Variants in SPATS1 observed in about 807,000 individuals in gnomAD.
SPATS1 encodes spermatogenesis-associated serine-rich protein 1.
Under a neutral mutation model 33.6 loss-of-function variants are expected in SPATS1, and 23 were observed. The ratio of observed to expected loss-of-function variants is 0.68; its 90% CI spans 0.49 to 0.97. SPATS1 has a LOEUF of 0.97. Among genes scored for constraint, SPATS1 ranks in the 50% least tolerant of loss-of-function variants. The pLI, the probability that SPATS1 is intolerant of heterozygous loss-of-function variation, is 0.00. For synonymous variants in SPATS1, 131 were observed against 125.6 expected (o/e 1.04, Z -0.29); for missense variants, 327 against 361.0 (o/e 0.91, Z 0.76).
At chr6:44,344,447 TG>T (rs1405396174) in intron 2 of SPATS1, among the ~76,000 whole-genome samples, 4 of 150,644 alleles carry the variant, frequency 2.7e-5, no homozygotes, top group African/African-American at 4.9e-5. Flanking sequence ...GAGAACCGAT[TG>T]CTTTCATTAC....
chr6:44,353,950 T>G (rs1334413816), intron 3 of SPATS1, among the ~76,000 whole-genome samples: 2 of 145,476 alleles, frequency 1.4e-5, no homozygotes, highest in East Asian at 4.1e-4. Context: ...GGCAGGAGAA[T>G]GGCGTGAACC....
chr6:44,343,285 T>G, intron 2 of SPATS1, 51 bp downstream of exon 2: 3 of 1,500,298 alleles, frequency 2.0e-6, no homozygotes, highest in Non-Finnish European at 2.7e-6. Flanking sequence ...CATCCAAGTA[T>G]ACTACACCCG....
chr6:44,375,261 G>A (rs1278614119), intron 7 of SPATS1, among the ~76,000 whole-genome samples: 1 of 152,200 alleles, frequency 6.6e-6, no homozygotes, highest in Admixed American at 6.5e-5. Context: ...ACATGGGAGG[G>A]TGAAGCACCC....
At chr6:44,362,999 C>T (rs981080148) in intron 5 of SPATS1, among the ~76,000 whole-genome samples, 6 of 152,066 alleles carry the variant, frequency 3.9e-5, no homozygotes, top group African/African-American at 1.2e-4. Context: ...CCACCACACC[C>T]GGTTAATTTT....
rs778265268 is a variant in SPATS1 at position 44,364,022 on chromosome 6, CA to C, written c.574+2034del. The stretch of plus-strand genomic sequence containing the variant: ...TATTAGGTAAATTTTCAAACAATAG[CA>C]AAATGAAACCCGATGTACTCATCCA... On this transcript the variant is annotated intron_variant, in intron 5 of 8. Transcript: ENST00000674044. Among the ~76,000 whole-genome samples, 129 of 152,034 alleles carry C rather than the reference CA, an allele frequency of 8.5e-4. 2 individuals carry two copies. Among genetic ancestry groups the C allele is most frequent in the Non-Finnish European group, 2.5e-4 (17 of 67,986 alleles).
At chr6:44,369,689 T>C (rs1341685250) in intron 6 of SPATS1, among the ~76,000 whole-genome samples, 10 of 151,956 alleles carry the variant, frequency 6.6e-5, no homozygotes, top group Non-Finnish European at 1.3e-4. Flanking sequence ...CTGGGCAACA[T>C]GGAGAAACCC....
chr6:44,366,132 T>A (rs1048780684), intron 5 of SPATS1, among the ~76,000 whole-genome samples: 5,629 of 148,052 alleles, frequency 0.038, 130 homozygotes, highest in Non-Finnish European at 0.053. Flanking sequence ...TATATATTTT[T>A]TTTTTTTTTG....
intron 2 of SPATS1, among the ~76,000 whole-genome samples, chr6:44,351,122 C>CAAAAA (rs34139961): frequency 1.6e-3 from 121 of 75,416 alleles, no homozygotes; most frequent in East Asian, 2.1e-3. Context: ...GACTCTGTGT[C>CAAAAA]AAAAAAAAAA....
chr6:44,345,065 G>C (rs914400462), intron 2 of SPATS1, among the ~76,000 whole-genome samples: 1 of 152,086 alleles, frequency 6.6e-6, no homozygotes, highest in Non-Finnish European at 1.5e-5. Flanking sequence ...GTAGCTGGAT[G>C]GTACTCTATG....
In SPATS1 at chr6:44,352,813, T is replaced by C. The variant is rs141903687; in HGVS notation, c.227T>C (p.Val76Ala). ...AAAAGTGTCAGTTCCTCATCTTCTGTGGAAACAGGCCCAAGTGTCAGTGAG... is the reference window on the plus strand; with the variant it reads ...AAAAGTGTCAGTTCCTCATCTTCTGCGGAAACAGGCCCAAGTGTCAGTGAG... Reference protein sequence around the residue: ...SGKSVSSSSSVETGPSVSEPP... With the variant: ...SGKSVSSSSSAETGPSVSEPP... Residue 76 changes from valine (V) to alanine (A), a missense_variant, in exon 3 of 9, where the codon GTG becomes GCG. Coordinates refer to ENST00000674044, the MANE Select transcript of SPATS1 (RefSeq NM_001372081.1). 1.4e-4 allele frequency: 226 copies of C among 1,614,152 alleles called. No homozygotes were observed. Among genetic ancestry groups the C allele is most frequent in the Non-Finnish European group, 1.8e-4 (217 of 1,180,008 alleles).
intron 3 of SPATS1, 133 bp downstream of exon 3, chr6:44,353,006 G>T (rs1408272404): frequency 3.3e-6 from 3 of 917,970 alleles, no homozygotes; most frequent in African/African-American, 1.7e-5. Flanking sequence ...TTCAAATCCC[G>T]GTTCTGCCAC....
intron 7 of SPATS1, among the ~76,000 whole-genome samples, chr6:44,373,028 A>G (rs1032971351): frequency 1.3e-5 from 2 of 152,078 alleles, no homozygotes; most frequent in Admixed American, 6.6e-5. Flanking sequence ...CAGTCACTCT[A>G]TTGTCTGATC....
At chr6:44,355,524 T>A (rs1788536806) in intron 3 of SPATS1, among the ~76,000 whole-genome samples, 1 of 152,230 alleles carries the variant, frequency 6.6e-6, no homozygotes, top group South Asian at 2.1e-4. Context: ...GAGTGTCAGA[T>A]GAATAGACCA....
At chr6:44,352,896 G>A (rs1788326202) in intron 3 of SPATS1, 23 bp downstream of exon 3, 1 of 1,610,724 alleles carries the variant, frequency 6.2e-7, no homozygotes, top group East Asian at 2.2e-5. Context: ...CTGGTGCAGA[G>A]CTGTCACGGT....
chr6:44,362,111 T>G, intron 5 of SPATS1, 119 bp downstream of exon 5: 1 of 1,285,066 alleles, frequency 7.8e-7, no homozygotes, highest in Non-Finnish European at 1.1e-6. Context: ...GTTCCCCTAG[T>G]GCAGCCAGGA....
chr6:44,364,084 G>T (rs868862490), intron 5 of SPATS1, among the ~76,000 whole-genome samples: 1 of 152,100 alleles, frequency 6.6e-6, no homozygotes, highest in Non-Finnish European at 1.5e-5. Context: ...TGGCTAACTT[G>T]TTTCATCATT....
chr6:44,371,794 A>C (rs1197604502), intron 7 of SPATS1, among the ~76,000 whole-genome samples: 1 of 151,758 alleles, frequency 6.6e-6, no homozygotes, highest in East Asian at 1.9e-4. Context: ...AAATACAAAA[A>C]ATTAGCTGGG....
intron 3 of SPATS1, among the ~76,000 whole-genome samples, chr6:44,357,545 G>A (rs1210236248): frequency 1.3e-5 from 2 of 152,066 alleles, no homozygotes; most frequent in Non-Finnish European, 2.9e-5. Context: ...ACCACACCTG[G>A]CTAATTTTGT....
intron 2 of SPATS1, among the ~76,000 whole-genome samples, chr6:44,350,878 C>A (rs1015877999): frequency 6.6e-6 from 1 of 152,058 alleles, no homozygotes; most frequent in African/African-American, 2.4e-5. Context: ...AATCCCAACA[C>A]TTTAGGAGGC....
Sources: allele counts gnomAD v4.1 joint callset (sites outside exome capture counted in the v4.1 genomes callset), GRCh38; gene constraint gnomAD v4.1.1; transcripts MANE v1.5; gene names NCBI Gene and HGNC (gene_info 2026-07-23, HGNC 2026-07-21).